AARS1: variants seen among roughly 807,000 people sequenced by gnomAD.
The protein encoded by AARS1 is alanine--tRNA ligase, cytoplasmic.
A neutral mutation model predicts 108.9 loss-of-function variants in AARS1; 72 were observed. The ratio of observed to expected loss-of-function variants is 0.66; its 90% CI spans 0.55 to 0.80. The LOEUF (loss-of-function observed/expected upper bound fraction) is 0.80, where lower values mean the gene tolerates loss of function less well. AARS1 is among the 30% of genes least tolerant of loss of function. The probability of loss-of-function intolerance (pLI) is 0.00; values close to 1 mark genes in which losing one functional copy is unlikely to be tolerated. For synonymous variants in AARS1, 489 were observed against 465.7 expected, an observed-to-expected ratio of 1.05 and a Z score of -0.64; for missense variants, 1,193 against 1,233.2, an observed-to-expected ratio of 0.97 and a Z score of 0.49.
chr16:70,281,085 C>T (rs1259881022), intron 2 of AARS1, among the ~76,000 whole-genome samples: 1 of 152,190 alleles, frequency 6.6e-6, no homozygotes, highest in Non-Finnish European at 1.5e-5. Context: ...CTGCCTCGGC[C>T]TCCCAGAGTG....
intron 2 of AARS1, 93 bp downstream of exon 2, chr16:70,282,527 C>G: frequency 6.7e-7 from 1 of 1,495,292 alleles, no homozygotes; most frequent in Non-Finnish European, 9.3e-7. Flanking sequence ...AGTGACAGAA[C>G]CAGAATCGGT....
chr16:70,272,645 G>C (rs1005181157), intron 4 of AARS1, among the ~76,000 whole-genome samples: 1 of 151,112 alleles, frequency 6.6e-6, no homozygotes, highest in Admixed American at 6.6e-5. Context: ...ACAAGGACAT[G>C]AGTAAGGCCT....
chr16:70,258,722 C>T (rs990481243), intron 14 of AARS1, among the ~76,000 whole-genome samples: 4 of 152,174 alleles, frequency 2.6e-5, no homozygotes, highest in Admixed American at 6.5e-5. Context: ...CCCGCCACCA[C>T]GCCCGGCTAA....
At chr16:70,254,359 T>C (rs1192312458) in intron 17 of AARS1, 2 of 580,684 alleles carry the variant, frequency 3.4e-6, no homozygotes, top group Admixed American at 3.0e-5. Context: ...CCTTAGCCCA[T>C]TCCCCAAATC....
intron 2 of AARS1, among the ~76,000 whole-genome samples, chr16:70,278,084 T>C (rs1250387244): frequency 6.6e-6 from 1 of 151,846 alleles, no homozygotes; most frequent in African/African-American, 2.4e-5. Context: ...CATGTAAAAC[T>C]GAATTAAAAT....
chr16:70,271,801 A>G lies in AARS1; in HGVS notation c.651T>C (p.Leu217=), dbSNP rs1960409154. The G allele has an allele frequency of 2.5e-6, 4 of 1,614,098 alleles. No homozygotes were observed. Among genetic ancestry groups the G allele is most frequent in the South Asian group, 1.1e-5 (1 of 91,082 alleles). The change falls in exon 5 of 21, where the codon CTT becomes CTC. Residue 217 remains leucine, a synonymous_variant. Coordinates refer to ENST00000261772, the MANE Select transcript of AARS1 (RefSeq NM_001605.3). ...DDPNVLEIWN[L]VFIQYNREAD... The stretch of plus-strand genomic sequence containing the variant: ...GCTACCTGTTATACTGGATGAACAC[A>G]AGGTTCCAGATCTCCAGCACATTAG...
intron 7 of AARS1, among the ~76,000 whole-genome samples, chr16:70,268,813 T>G (rs16970307): frequency 6.6e-6 from 1 of 152,150 alleles, no homozygotes; most frequent in African/African-American, 2.4e-5. Flanking sequence ...TAGTGGCAAC[T>G]CTGTGACACT....
intron 15 of AARS1, 54 bp downstream of exon 15, chr16:70,257,979 C>T: frequency 6.2e-7 from 1 of 1,600,970 alleles, no homozygotes; most frequent in Non-Finnish European, 8.6e-7. Flanking sequence ...AGACCTACAT[C>T]CTCAGAGGAT....
chr16:70,258,628 C>T (rs2152154013), intron 14 of AARS1, among the ~76,000 whole-genome samples: 2 of 152,174 alleles, frequency 1.3e-5, no homozygotes, highest in Admixed American at 1.3e-4. Flanking sequence ...TGCAATGGCG[C>T]AATCTCGGCT....
At chr16:70,278,181 C>G (rs144588650) in intron 2 of AARS1, among the ~76,000 whole-genome samples, 1 of 151,996 alleles carries the variant, frequency 6.6e-6, no homozygotes, top group African/African-American at 2.4e-5. Context: ...GAGTTCAAGA[C>G]CAGCCTGGGA....
At chr16:70,283,391 G>C (rs150099832) in intron 1 of AARS1, among the ~76,000 whole-genome samples, 4 of 149,978 alleles carry the variant, frequency 2.7e-5, no homozygotes, top group African/African-American at 9.8e-5. Flanking sequence ...GAGAGACTCC[G>C]TCTCAAAAAA....
In AARS1 at chr16:70,255,768, A is replaced by G. The variant is rs761527413; in HGVS notation, c.2246T>C (p.Ile749Thr). 6.8e-6 allele frequency: 11 copies of G among 1,614,074 alleles called. No homozygotes were observed. The highest frequency in any genetic ancestry group is 1.1e-5 in the South Asian group (1 of 91,090). ...IVTEEAIAKG[I>T]RRIVAVTGAE... Reference sequence around the variant, plus strand: ...ACCTGTGACAGCCACAATCCTCCGGATACCCTTGGCAATGGCTTCTTCCGT... The same window carrying G: ...ACCTGTGACAGCCACAATCCTCCGGGTACCCTTGGCAATGGCTTCTTCCGT... The change falls in exon 16 of 21, where the codon ATC becomes ACC. Residue 749 changes from isoleucine (I) to threonine (T), a missense_variant. Transcript: ENST00000261772.
At chr16:70,256,649 G>A (rs1424522977) in intron 15 of AARS1, among the ~76,000 whole-genome samples, 1 of 152,108 alleles carries the variant, frequency 6.6e-6, no homozygotes, top group African/African-American at 2.4e-5. Context: ...AAGGGTATGA[G>A]CAAACAGGTA....
chr16:70,258,784 T>C (rs957467146), intron 14 of AARS1, among the ~76,000 whole-genome samples, 196 bp downstream of exon 14: 1 of 152,184 alleles, frequency 6.6e-6, no homozygotes, highest in African/African-American at 2.4e-5. Context: ...CTCAATCTCC[T>C]GACCTCGTGA....
chr16:70,281,948 G>T (rs1457180578), intron 2 of AARS1, among the ~76,000 whole-genome samples: 1 of 152,010 alleles, frequency 6.6e-6, no homozygotes, highest in African/African-American at 2.4e-5. Context: ...TCAGGAGATT[G>T]AGACCATCCT....
At chr16:70,288,445 T>C (rs1230521309) in intron 1 of AARS1, among the ~76,000 whole-genome samples, 1 of 151,772 alleles carries the variant, frequency 6.6e-6, no homozygotes. Context: ...CCTCTTTTAC[T>C]GTCTCACAGC....
rs1234690409 is a variant in AARS1, at chr16:70,267,930, A to G, written c.1072-121T>C. Reference sequence around the variant, plus strand: ...CGCCTGTAATCCTACCACTTTGGGAAGCCGAGGCAGGTGGATTGCCTGAGC... The same window carrying G: ...CGCCTGTAATCCTACCACTTTGGGAGGCCGAGGCAGGTGGATTGCCTGAGC... On this transcript the variant is annotated intron_variant, in intron 8 of 20. Transcript: ENST00000261772. The G allele has an allele frequency of 2.8e-6, 4 of 1,411,802 alleles. No homozygotes were observed. In the African/African-American group the frequency reaches 5.7e-5, roughly 20 times the overall value. The allele number at this position is 1,411,802 out of a possible 1,614,324, so 87.5% of individuals were successfully genotyped here.
At chr16:70,259,789 T>A (rs79100623) in intron 13 of AARS1, among the ~76,000 whole-genome samples, 4 of 152,144 alleles carry the variant, frequency 2.6e-5, no homozygotes, top group South Asian at 2.1e-4. Context: ...TTTTTTTTTT[T>A]TATAAGGAGT....
Position 70,269,598 on chromosome 16 carries a change from C to G in AARS1, c.962+20G>C. 6.2e-7 allele frequency: 1 copy of G among 1,613,322 alleles called. No individual in the cohort carries two copies. The highest frequency in any genetic ancestry group is 2.2e-5 in the East Asian group (1 of 44,876). ...CACGTGGTGCCGCTCCAAACACCAC[C>G]CAGTGTGCAGCATACTTACCCACGC... On this transcript the variant is annotated intron_variant, in intron 7 of 20. Coordinates refer to ENST00000261772, the MANE Select transcript of AARS1 (RefSeq NM_001605.3).
Sources: gnomAD v4.1 joint callset for allele counts (sites outside exome capture counted in the v4.1 genomes callset) on GRCh38, gnomAD v4.1.1 for gene constraint, MANE v1.5 for transcripts, NCBI Gene and HGNC (gene_info 2026-07-23, HGNC 2026-07-21) for gene names.